Variants in AGBL4 observed in about 807,000 individuals in gnomAD.
The protein encoded by AGBL4 is AGBL carboxypeptidase 4.
Under a neutral mutation model 66.4 loss-of-function variants are expected in AGBL4, and 58 were observed. The observed-to-expected ratio is 0.87, with a 90% CI of 0.71 to 1.09. The LOEUF (loss-of-function observed/expected upper bound fraction) is 1.09. Among genes scored for constraint, AGBL4 ranks in the 50% least tolerant of loss-of-function variants. The probability of loss-of-function intolerance (pLI) is 0.00; values close to 1 mark genes in which losing one functional copy is unlikely to be tolerated. For missense variants in AGBL4, 579 were observed against 631.0 expected, an observed-to-expected ratio of 0.92 and a Z score of 0.88; for synonymous variants, 234 against 222.9, an observed-to-expected ratio of 1.05 and a Z score of -0.44.
At chr1:49,793,673 A>G (rs1644661043) in intron 2 of AGBL4, among the ~76,000 whole-genome samples, 1 of 151,954 alleles carries the variant, frequency 6.6e-6, no homozygotes, top group Non-Finnish European at 1.5e-5. Flanking sequence ...TGTCTATGAT[A>G]ACACAAGTGA....
chr1:48,852,429 A>G (rs1360389522), intron 6 of AGBL4, among the ~76,000 whole-genome samples: 1 of 152,144 alleles, frequency 6.6e-6, no homozygotes, highest in African/African-American at 2.4e-5. Flanking sequence ...CCTCCGTGAC[A>G]TGCCCATGGG....
rs528775162 is a variant in AGBL4, at chr1:49,918,851, C to T, written c.35-67333G>A. Reference sequence around the variant, plus strand: ...AATCCTCAATAAAATACTGGCAAACCAAATCCAGCAGCACCTCAAAAAGCT... The same window carrying T: ...AATCCTCAATAAAATACTGGCAAACTAAATCCAGCAGCACCTCAAAAAGCT... On this transcript the variant is annotated intron_variant, in intron 1 of 13. Coordinates refer to ENST00000371839, the MANE Select transcript of AGBL4 (RefSeq NM_032785.4). Among the ~76,000 whole-genome samples the T allele has an allele frequency of 3.4e-3, 513 of 152,210 alleles. 5 individuals carry two copies. Among genetic ancestry groups the T allele is most frequent in the African/African-American group, 0.012 (494 of 41,522 alleles).
In AGBL4 at chr1:49,736,126, G is replaced by A. The variant is rs113200370; in HGVS notation, c.158-38689C>T. Among the ~76,000 whole-genome samples, 1,489 of 151,846 alleles carry A rather than the reference G, an allele frequency of 9.8e-3. 14 individuals are homozygous for A. The highest frequency in any genetic ancestry group is 0.034 in the African/African-American group (1,400 of 41,500). On this transcript the variant is annotated intron_variant, in intron 2 of 13. Transcript: ENST00000371839. ...GAAAAAAGGGAAAAGAATATTTAAC[G>A]AAATACTGCCTGAAAACTTCCCAAA...
At chr1:49,349,636 A>T (rs1037136300) in intron 3 of AGBL4, among the ~76,000 whole-genome samples, 12 of 152,144 alleles carry the variant, frequency 7.9e-5, no homozygotes, top group Admixed American at 1.3e-4. Flanking sequence ...TTATTTGTGT[A>T]CTTTTTGGAT....
At chr1:49,953,780 A>G (rs1656359012) in intron 1 of AGBL4, among the ~76,000 whole-genome samples, 1 of 152,008 alleles carries the variant, frequency 6.6e-6, no homozygotes, top group South Asian at 2.1e-4. Flanking sequence ...GTATCTAAAC[A>G]CCATAATTAA....
chr1:49,737,367 T>A (rs1402470167), intron 2 of AGBL4, among the ~76,000 whole-genome samples: 1 of 152,132 alleles, frequency 6.6e-6, no homozygotes, highest in Non-Finnish European at 1.5e-5. Context: ...AAAAATAAAA[T>A]CATGTCCTTT....
At chr1:49,982,408 G>A (rs1260005634) in intron 1 of AGBL4, among the ~76,000 whole-genome samples, 1 of 152,232 alleles carries the variant, frequency 6.6e-6, no homozygotes, top group East Asian at 1.9e-4. Context: ...CTGCCACCTT[G>A]GCCCCCTGCA....
chr1:49,514,348 C>T (rs889497322), intron 3 of AGBL4, among the ~76,000 whole-genome samples: 2 of 151,856 alleles, frequency 1.3e-5, no homozygotes, highest in African/African-American at 2.4e-5. Context: ...AGGACCTCTT[C>T]GAGGAGAACT....
chr1:48,807,006 C>G (rs1645939899), intron 6 of AGBL4, among the ~76,000 whole-genome samples: 2 of 152,200 alleles, frequency 1.3e-5, no homozygotes, highest in African/African-American at 4.8e-5. Context: ...ATATATCCAA[C>G]AATGCTTTGG....
intron 2 of AGBL4, among the ~76,000 whole-genome samples, chr1:49,833,644 T>G (rs1645759692): frequency 1.3e-5 from 2 of 152,180 alleles, no homozygotes; most frequent in South Asian, 4.1e-4. Flanking sequence ...GTTCTTCCAT[T>G]TCTTTGTATC....
chr1:49,329,248 A>G (rs1472158354), intron 3 of AGBL4, among the ~76,000 whole-genome samples: 3 of 152,062 alleles, frequency 2.0e-5, no homozygotes, highest in Non-Finnish European at 4.4e-5. Context: ...TGGTGGGTGC[A>G]GTGAGCCAAG....
chr1:50,003,940 C>CA (rs766929420), intron 1 of AGBL4, among the ~76,000 whole-genome samples: 17 of 152,102 alleles, frequency 1.1e-4, no homozygotes, highest in African/African-American at 4.1e-4. Context: ...ACTATCCACA[C>CA]AAAAAAGCAC....
intron 2 of AGBL4, among the ~76,000 whole-genome samples, chr1:49,737,319 C>T (rs551353951): frequency 2.6e-5 from 4 of 152,062 alleles, no homozygotes; most frequent in African/African-American, 4.8e-5. Flanking sequence ...AAAGAAAATG[C>T]GGTACATATA....
chr1:49,977,191 G>T (rs995858873), intron 1 of AGBL4, among the ~76,000 whole-genome samples: 1 of 149,614 alleles, frequency 6.7e-6, no homozygotes, highest in African/African-American at 2.5e-5. Context: ...TCTTCCATGG[G>T]CTTCACCTCC....
intron 3 of AGBL4, among the ~76,000 whole-genome samples, chr1:49,491,682 T>C (rs1318923787): frequency 1.3e-5 from 2 of 151,930 alleles, no homozygotes; most frequent in Non-Finnish European, 2.9e-5. Flanking sequence ...TTGACTCTCT[T>C]GTTAAAGTAA....
intron 2 of AGBL4, among the ~76,000 whole-genome samples, chr1:49,712,081 G>T (rs763269870): frequency 5.9e-5 from 9 of 151,906 alleles, no homozygotes; most frequent in Non-Finnish European, 1.2e-4. Context: ...TTGTCAAATA[G>T]TAAATTATAG....
intron 2 of AGBL4, among the ~76,000 whole-genome samples, chr1:49,833,670 G>A (rs1330277695): frequency 6.6e-6 from 1 of 152,080 alleles, no homozygotes; most frequent in Non-Finnish European, 1.5e-5. Context: ...TAATTTCATT[G>A]AGCAGTGGTT....
At chr1:48,939,064 G>A (rs568643432) in intron 5 of AGBL4, among the ~76,000 whole-genome samples, 4 of 152,196 alleles carry the variant, frequency 2.6e-5, no homozygotes, top group African/African-American at 9.6e-5. Flanking sequence ...TGAACTTTAG[G>A]TCTTTTGCCT....
At chr1:49,606,237 C>T (rs969451663) in intron 3 of AGBL4, among the ~76,000 whole-genome samples, 1 of 152,118 alleles carries the variant, frequency 6.6e-6, no homozygotes, top group African/African-American at 2.4e-5. Flanking sequence ...ATATTACTCT[C>T]TCCACAGGCG....
Sources: gnomAD v4.1 joint callset for allele counts (sites outside exome capture counted in the v4.1 genomes callset) on GRCh38, gnomAD v4.1.1 for gene constraint, MANE v1.5 for transcripts, NCBI Gene and HGNC (gene_info 2026-07-23, HGNC 2026-07-21) for gene names.